The following ZNF804B variants were observed in gnomAD, a reference collection of about 807,000 sequenced individuals.
The protein encoded by ZNF804B is zinc finger 804B.
Under a neutral mutation model 101.4 loss-of-function variants are expected in ZNF804B, and 80 were observed. The observed-to-expected ratio is 0.79, with a 90% CI of 0.66 to 0.95. The LOEUF (loss-of-function observed/expected upper bound fraction) is 0.95. ZNF804B is among the 40% of genes least tolerant of loss of function. The pLI is 0.00. For missense variants in ZNF804B, 1,673 were observed against 1,561.9 expected (o/e 1.07, Z -1.20); for synonymous variants, 622 against 558.8 (o/e 1.11, Z -1.59).
intron 1 of ZNF804B, among the ~76,000 whole-genome samples, chr7:89,006,391 G>A (rs1788369448): frequency 6.6e-6 from 1 of 151,928 alleles, no homozygotes; most frequent in Non-Finnish European, 1.5e-5. Flanking sequence ...TATTTTATCT[G>A]TTCACAATTG....
chr7:89,013,633 G>A (rs184880323), intron 1 of ZNF804B, among the ~76,000 whole-genome samples: 371 of 152,222 alleles, frequency 2.4e-3, no homozygotes, highest in African/African-American at 8.0e-3. Context: ...TTTCTTTGTA[G>A]GGGGAACATT....
chr7:89,301,201 C>T (rs1266981033), intron 2 of ZNF804B, among the ~76,000 whole-genome samples: 2 of 145,436 alleles, frequency 1.4e-5, no homozygotes, highest in African/African-American at 5.1e-5. Context: ...ACTTACCACA[C>T]ACTTATTTTG....
At chr7:88,857,614 A>G (rs1791584425) in intron 1 of ZNF804B, among the ~76,000 whole-genome samples, 5 of 152,046 alleles carry the variant, frequency 3.3e-5, no homozygotes, top group Admixed American at 2.6e-4. Context: ...AATTGAGGCA[A>G]TAATTAATAG....
intron 2 of ZNF804B, among the ~76,000 whole-genome samples, chr7:89,309,650 C>T (rs1173811729): frequency 1.3e-5 from 2 of 151,164 alleles, no homozygotes; most frequent in African/African-American, 4.9e-5. Context: ...GTCCCAGCTA[C>T]TTGGGAGGCT....
At chr7:88,811,134 G>A (rs1297749907) in intron 1 of ZNF804B, among the ~76,000 whole-genome samples, 1 of 152,012 alleles carries the variant, frequency 6.6e-6, no homozygotes, top group Non-Finnish European at 1.5e-5. Context: ...GGTGTGAGGT[G>A]CTCTTATGTT....
At chr7:89,151,395 A>T (rs996411120) in intron 1 of ZNF804B, among the ~76,000 whole-genome samples, 1 of 152,040 alleles carries the variant, frequency 6.6e-6, no homozygotes, top group Non-Finnish European at 1.5e-5. Flanking sequence ...CCATCCCCAT[A>T]TGATTTTGAG....
At chr7:88,772,245 G>T (rs1013161755) in intron 1 of ZNF804B, among the ~76,000 whole-genome samples, 2 of 152,112 alleles carry the variant, frequency 1.3e-5, no homozygotes, top group African/African-American at 4.8e-5. Context: ...TTGCTTTCCT[G>T]TCATCATTGA....
chr7:88,853,432 C>T (rs577377193), intron 1 of ZNF804B, among the ~76,000 whole-genome samples: 1 of 152,160 alleles, frequency 6.6e-6, no homozygotes, highest in South Asian at 2.1e-4. Flanking sequence ...CACTGCTCTC[C>T]TAGAGTTCTT....
chr7:88,929,933 C>T (rs140347628), intron 1 of ZNF804B, among the ~76,000 whole-genome samples: 323 of 151,532 alleles, frequency 2.1e-3, no homozygotes, highest in African/African-American at 6.3e-3. Flanking sequence ...CATTTTTTCT[C>T]GAACTTTCAA....
intron 1 of ZNF804B, among the ~76,000 whole-genome samples, chr7:89,032,340 G>T (rs10952944): frequency 1.3e-5 from 2 of 150,276 alleles, no homozygotes; most frequent in Non-Finnish European, 3.0e-5. Context: ...AATGAGTTAA[G>T]GGGGATAAAT....
At position 89,337,090 on chromosome 7, in the gene ZNF804B, A is replaced by G. The variant is rs1443403653; in HGVS notation, c.*58A>G. ...TTTAATTGTCACTACCTATAAAATC[A>G]TACATTTAAAGAAGTCTGTCAATTA... On this transcript the variant is annotated 3_prime_UTR_variant, in exon 4 of 4. Transcript: ENST00000333190. 29 of 1,476,076 alleles carry G rather than the reference A, an allele frequency of 2.0e-5. No individual in the cohort carries two copies. The highest frequency in any genetic ancestry group is 1.2e-4 in the East Asian group (5 of 43,020). The allele number at this position is 1,476,076 out of a possible 1,614,324, so 91.4% of individuals were successfully genotyped here. A position where few individuals can be genotyped will look rare whatever the true frequency, so the allele number is the denominator to read the frequency against.
intron 1 of ZNF804B, among the ~76,000 whole-genome samples, chr7:89,094,674 A>ATT (rs35860742): frequency 2.0e-5 from 3 of 150,974 alleles, no homozygotes; most frequent in Non-Finnish European, 1.5e-5. Context: ...TTGTTTATAC[A>ATT]TTTTTTTTTC....
chr7:89,088,489 C>T (rs1035571615), intron 1 of ZNF804B, among the ~76,000 whole-genome samples: 3 of 151,316 alleles, frequency 2.0e-5, no homozygotes, highest in Non-Finnish European at 4.4e-5. Flanking sequence ...AAGAGCAAAG[C>T]AATGTATTGT....
intron 2 of ZNF804B, among the ~76,000 whole-genome samples, chr7:89,267,606 G>A (rs543593178): frequency 6.6e-6 from 1 of 151,958 alleles, no homozygotes; most frequent in African/African-American, 2.4e-5. Flanking sequence ...TACAAGCCAG[G>A]CATTGCAGAA....
intron 1 of ZNF804B, among the ~76,000 whole-genome samples, chr7:89,153,444 A>G (rs558051160): frequency 0.17 from 25,865 of 148,938 alleles, 2,450 homozygotes; most frequent in African/African-American, 0.23. Flanking sequence ...TAATAATAAT[A>G]ATAATAATAA....
At chr7:88,825,237 C>A (rs1368622614) in intron 1 of ZNF804B, among the ~76,000 whole-genome samples, 3 of 152,098 alleles carry the variant, frequency 2.0e-5, no homozygotes, top group Non-Finnish European at 2.9e-5. Context: ...ACTTTATCAG[C>A]AAAGCTAGAG....
intron 2 of ZNF804B, among the ~76,000 whole-genome samples, chr7:89,243,844 A>G (rs1010049282): frequency 6.6e-6 from 1 of 151,924 alleles, no homozygotes; most frequent in Admixed American, 6.6e-5. Context: ...TGGTAAATAA[A>G]CACTATAAAT....
rs527492181 is a variant in ZNF804B at position 88,901,445 on chromosome 7, A to T, written c.108+141361A>T. On this transcript the variant is annotated intron_variant, in intron 1 of 3. Coordinates refer to ENST00000333190, the MANE Select transcript of ZNF804B (RefSeq NM_181646.5). ...TTATTTCTTATTCCATGAAACGTCC[A>T]TTATCAGCATAAACCAAGCTTGCAA... 6.1e-4 allele frequency among the ~76,000 whole-genome samples: 92 copies of T among 152,030 alleles called. 2 individuals carry two copies. In the South Asian group the frequency reaches 0.013, roughly 22 times the overall value.
chr7:89,326,448 T>A (rs756624294), intron 2 of ZNF804B, among the ~76,000 whole-genome samples: 32 of 152,096 alleles, frequency 2.1e-4, no homozygotes, highest in Admixed American at 3.9e-4. Context: ...TCTCCATACC[T>A]GGGAAACATC....
Sources: allele counts gnomAD v4.1 joint callset (sites outside exome capture counted in the v4.1 genomes callset), GRCh38; gene constraint gnomAD v4.1.1; transcripts MANE v1.5; gene names NCBI Gene and HGNC (gene_info 2026-07-23, HGNC 2026-07-21).